GPR158: variants seen among roughly 807,000 people sequenced by gnomAD.
GPR158 encodes the protein metabotropic glycine receptor.
In GPR158, 30 loss-of-function variants were observed where a neutral mutation model predicts 78.2. The ratio of observed to expected loss-of-function variants is 0.38; its 90% confidence interval spans 0.29 to 0.52. The LOEUF is 0.52. GPR158 is among the 20% of genes least tolerant of loss of function. GPR158 has a pLI of 0.83. For missense variants in GPR158, 1,463 were observed against 1,523.5 expected, an observed-to-expected ratio of 0.96 and a Z score of 0.66; for synonymous variants, 581 against 591.1, an observed-to-expected ratio of 0.98 and a Z score of 0.25.
At chr10:25,282,988 T>C (rs1240791432) in intron 2 of GPR158, among the ~76,000 whole-genome samples, 1 of 152,098 alleles carries the variant, frequency 6.6e-6, no homozygotes, top group Non-Finnish European at 1.5e-5. Context: ...GTAATGTCTT[T>C]CTGGTTTTGA....
At chr10:25,204,236 AC>A (rs1852982246) in intron 1 of GPR158, among the ~76,000 whole-genome samples, 2 of 152,196 alleles carry the variant, frequency 1.3e-5, no homozygotes, top group Admixed American at 1.3e-4. Context: ...CTAATTGAAT[AC>A]CCTTTATTTC....
At chr10:25,411,036 GAGTTC>G (rs947652622) in intron 3 of GPR158, among the ~76,000 whole-genome samples, 11 of 151,732 alleles carry the variant, frequency 7.2e-5, no homozygotes, top group African/African-American at 2.7e-4. Context: ...ATACTGAAGT[GAGTTC>G]ATATTCATTA....
chr10:25,482,703 C>G (rs768187683), intron 5 of GPR158, among the ~76,000 whole-genome samples: 2 of 152,114 alleles, frequency 1.3e-5, no homozygotes, highest in African/African-American at 2.4e-5. Context: ...ATCTCCAGCT[C>G]AAATCTCTGT....
At chr10:25,282,266 A>G (rs1854286214) in intron 2 of GPR158, among the ~76,000 whole-genome samples, 1 of 152,220 alleles carries the variant, frequency 6.6e-6, no homozygotes, top group African/African-American at 2.4e-5. Context: ...TATTTATCAT[A>G]ATCCATGAGA....
intron 4 of GPR158, among the ~76,000 whole-genome samples, chr10:25,456,290 A>G (rs1384454964): frequency 6.6e-6 from 1 of 152,192 alleles, no homozygotes; most frequent in Non-Finnish European, 1.5e-5. Context: ...TGTTACATGT[A>G]GAGTGTAGCA....
At chr10:25,203,868 A>G (rs1446576412) in intron 1 of GPR158, among the ~76,000 whole-genome samples, 1 of 144,650 alleles carries the variant, frequency 6.9e-6, no homozygotes, top group Non-Finnish European at 1.5e-5. Context: ...CATTTTCACA[A>G]TATTGATTCT....
At chr10:25,211,945 T>C (rs1274867169) in intron 1 of GPR158, among the ~76,000 whole-genome samples, 1 of 152,224 alleles carries the variant, frequency 6.6e-6, no homozygotes, top group Non-Finnish European at 1.5e-5. Flanking sequence ...TTGGGTAGTA[T>C]GTCCTAATAT....
At position 25,599,334 on chromosome 10, in the gene GPR158, T is replaced by C. The variant is rs375155438; in HGVS notation, c.*60T>C. 8.1e-6 allele frequency: 10 copies of C among 1,236,676 alleles called. No individual in the cohort carries two copies. In the East Asian group the frequency reaches 9.3e-5, roughly 12 times the overall value. The allele number at this position is 1,236,676 out of a possible 1,614,324, so 76.6% of individuals were successfully genotyped here. ...CGGATTGGATATGAGACAGAAGATATAAGAATCAAATATTCCCAAGGAGGA... is the reference window on the plus strand; with the variant it reads ...CGGATTGGATATGAGACAGAAGATACAAGAATCAAATATTCCCAAGGAGGA... On this transcript the variant is annotated 3_prime_UTR_variant, in exon 11 of 11. Coordinates refer to ENST00000376351, the MANE Select transcript of GPR158 (RefSeq NM_020752.3).
chr10:25,348,465 C>CAATAAGTATCATAATTTTGCATA (rs1855405828), intron 2 of GPR158, among the ~76,000 whole-genome samples: 4 of 150,496 alleles, frequency 2.7e-5, no homozygotes, highest in Non-Finnish European at 5.9e-5. Context: ...ATATCCCCAT[C>CAATAAGTATCATAATTTTGCATA]AATAAGTATC....
At chr10:25,425,584 A>C (rs1424595648) in intron 4 of GPR158, among the ~76,000 whole-genome samples, 1 of 152,098 alleles carries the variant, frequency 6.6e-6, no homozygotes, top group African/African-American at 2.4e-5. Flanking sequence ...CCTGTAGAGC[A>C]AAAGAAATAA....
intron 2 of GPR158, among the ~76,000 whole-genome samples, chr10:25,323,466 G>C (rs2130481646): frequency 6.6e-6 from 1 of 151,796 alleles, no homozygotes; most frequent in African/African-American, 2.4e-5. Flanking sequence ...AAGGAAGACT[G>C]TTTTGTTTAC....
chr10:25,192,860 C>T (rs1730840316), intron 1 of GPR158, among the ~76,000 whole-genome samples: 1 of 151,862 alleles, frequency 6.6e-6, no homozygotes, highest in African/African-American at 2.4e-5. Context: ...TTTGGTACAG[C>T]ATTCAATCAA....
intron 2 of GPR158, among the ~76,000 whole-genome samples, chr10:25,367,847 ACT>A (rs5783926): frequency 0.14 from 21,383 of 151,434 alleles, 1,815 homozygotes; most frequent in African/African-American, 0.24. Flanking sequence ...AGTTGCACAA[ACT>A]CTCTTCTGTA....
intron 2 of GPR158, among the ~76,000 whole-genome samples, chr10:25,364,547 T>C (rs1218972969): frequency 6.6e-6 from 1 of 151,930 alleles, no homozygotes; most frequent in African/African-American, 2.4e-5. Flanking sequence ...TTTGACTCTT[T>C]AATGCTAATG....
chr10:25,497,502 G>A (rs1392005077), intron 5 of GPR158, among the ~76,000 whole-genome samples: 5 of 152,172 alleles, frequency 3.3e-5, no homozygotes, highest in African/African-American at 1.2e-4. Context: ...AGGAGGTGAT[G>A]TAATTAAAGA....
rs1054506031 is a variant in GPR158 at position 25,357,283 on chromosome 10, A to G, written c.1009-38628A>G. 1.3e-5 allele frequency among the ~76,000 whole-genome samples: 2 copies of G among 152,122 alleles called. 1 individual carries two copies. Among genetic ancestry groups the G allele is most frequent in the African/African-American group, 4.8e-5 (2 of 41,448 alleles). ...GCAGCCTGACAAAGTAATACAAAAG[A>G]AAATCCATTTTCTGAGGAGAAATTC... On this transcript the variant is annotated intron_variant, in intron 2 of 10. Coordinates refer to ENST00000376351, the MANE Select transcript of GPR158 (RefSeq NM_020752.3).
At chr10:25,424,300 T>G (rs1834790508) in intron 4 of GPR158, among the ~76,000 whole-genome samples, 1 of 152,242 alleles carries the variant, frequency 6.6e-6, no homozygotes, top group Non-Finnish European at 1.5e-5. Context: ...ATGGGTAGAC[T>G]GCAAAATTTT....
chr10:25,482,907 A>C (rs1835679400), intron 5 of GPR158, among the ~76,000 whole-genome samples: 2 of 152,084 alleles, frequency 1.3e-5, no homozygotes, highest in Admixed American at 6.6e-5. Context: ...AAAATCTTGG[A>C]GTCATCTTGA....
rs11014572 is a variant in GPR158, at chr10:25,469,600, C to T, written c.1404+2881C>T. 0.021 allele frequency among the ~76,000 whole-genome samples: 3,246 copies of T among 151,814 alleles called. 592 individuals carry two copies. In the East Asian group the frequency reaches 0.48, roughly 22 times the overall value. On this transcript the variant is annotated intron_variant, in intron 5 of 10. Coordinates refer to ENST00000376351, the MANE Select transcript of GPR158 (RefSeq NM_020752.3). Reference sequence around the variant, plus strand: ...GAGATCGAGACCATCCTGTCTAACACGGTGAAACCCCATCTCTACTGAAAA... The same window carrying T: ...GAGATCGAGACCATCCTGTCTAACATGGTGAAACCCCATCTCTACTGAAAA...
Sources: gnomAD v4.1 joint callset for allele counts (sites outside exome capture counted in the v4.1 genomes callset) on GRCh38, gnomAD v4.1.1 for gene constraint, MANE v1.5 for transcripts, NCBI Gene and HGNC (gene_info 2026-07-23, HGNC 2026-07-21) for gene names.